Variants in LRRC7 observed in about 807,000 individuals in gnomAD.
The protein encoded by LRRC7 is leucine rich repeat containing 7.
In LRRC7, 23 loss-of-function variants were observed where a neutral mutation model predicts 175.7. The observed-to-expected ratio is 0.13, with a 90% CI of 0.09 to 0.19. The LOEUF (loss-of-function observed/expected upper bound fraction) is 0.19, where lower values mean the gene tolerates loss of function less well. Among genes scored for constraint, LRRC7 ranks in the 10% least tolerant of loss-of-function variants. The pLI is 1.00. For synonymous variants in LRRC7, 685 were observed against 680.9 expected (o/e 1.01, Z -0.09); for missense variants, 1,354 against 1,904.7 (o/e 0.71, Z 5.38).
chr1:69,727,846 T>C (rs1195108853), intron 2 of LRRC7, among the ~76,000 whole-genome samples: 1 of 152,204 alleles, frequency 6.6e-6, no homozygotes, highest in Non-Finnish European at 1.5e-5. Flanking sequence ...TTCATAAATA[T>C]AGAAAAAGAT....
At chr1:70,002,480 C>G (rs147545768) in intron 11 of LRRC7, among the ~76,000 whole-genome samples, 68 of 152,284 alleles carry the variant, frequency 4.5e-4, no homozygotes, top group African/African-American at 1.5e-3. Flanking sequence ...TCATGTTTAT[C>G]TTTTGTATCA....
chr1:69,863,606 C>T (rs1684598619), intron 7 of LRRC7, among the ~76,000 whole-genome samples: 1 of 152,160 alleles, frequency 6.6e-6, no homozygotes, highest in Non-Finnish European at 1.5e-5. Context: ...TATCTTTGTC[C>T]TCATGTAGCT....
Position 70,038,544 on chromosome 1 carries a change from G to A in LRRC7, c.2720G>A (p.Ser907Asn). The change falls in exon 21 of 27, where the codon AGC (serine) becomes AAC (asparagine). Residue 907 changes from serine (S) to asparagine (N), a missense_variant. Ser to Asn is a conservative substitution (Grantham distance 46, BLOSUM62 1). Coordinates refer to ENST00000651989, the MANE Select transcript of LRRC7 (RefSeq NM_001370785.2). ...PSKLETTPTTSPLPERKEHIK... is the reference protein window; with the variant it reads ...PSKLETTPTTNPLPERKEHIK... ...AAATTAGAGACAACCCCCACTACCA[G>A]CCCATTGCCTGAAAGGAAAGAACAT... 6.2e-7 allele frequency: 1 copy of A among 1,614,038 alleles called. No homozygotes were observed. The highest frequency in any genetic ancestry group is 8.5e-7 in the Non-Finnish European group (1 of 1,180,000).
rs1172303895 is a variant in LRRC7 at position 70,140,038 on chromosome 1, G to GT, written c.*18157dup. On this transcript the variant is annotated 3_prime_UTR_variant, in exon 27 of 27. Coordinates refer to ENST00000651989, the MANE Select transcript of LRRC7 (RefSeq NM_001370785.2). ...GGAGGCATAGATTTGCAAATGGTGG[G>GT]TTTTTTCGTTTTTTTGTGTGTTGGA... 15 of 152,000 alleles carry GT rather than the reference G, an allele frequency of 9.9e-5. No individual in the cohort carries two copies. The highest frequency in any genetic ancestry group is 3.4e-4 in the African/African-American group (14 of 41,372). 9.4% of individuals were successfully genotyped at this position (152,000 alleles called of 1,614,324 possible). A position where few individuals can be genotyped will look rare whatever the true frequency, so the allele number is the denominator to read the frequency against.
At chr1:69,788,857 AT>A (rs1228732887) in intron 3 of LRRC7, among the ~76,000 whole-genome samples, 5 of 152,216 alleles carry the variant, frequency 3.3e-5, no homozygotes, top group Non-Finnish European at 7.4e-5. Context: ...AAACATCTGA[AT>A]AATAAAGCAC....
intron 7 of LRRC7, among the ~76,000 whole-genome samples, chr1:69,859,708 A>T (rs1043339715): frequency 6.6e-6 from 1 of 152,032 alleles, no homozygotes; most frequent in African/African-American, 2.4e-5. Context: ...CTGTAAAGGT[A>T]ATGCTTTTGT....
At position 69,799,698 on chromosome 1, in the gene LRRC7, ATTAT is replaced by A. The variant is rs139118914; in HGVS notation, c.421+7545_421+7548del. 8.4e-3 allele frequency among the ~76,000 whole-genome samples: 1,279 copies of A among 152,044 alleles called. 25 individuals carry two copies. Among genetic ancestry groups the A allele is most frequent in the African/African-American group, 0.029 (1,192 of 41,502 alleles). On this transcript the variant is annotated intron_variant, in intron 4 of 26. Transcript: ENST00000651989. Reference sequence around the variant, plus strand: ...TGCAGACTTTCTGTTCACTCTGTTGATTATTTATTTGACTGTACAGAGGCTTTTT... The same window carrying A: ...TGCAGACTTTCTGTTCACTCTGTTGATTATTTGACTGTACAGAGGCTTTTT...
In LRRC7 at chr1:69,967,809, G is replaced by C. The variant is rs186141925; in HGVS notation, c.712-12570G>C. 2.6e-5 allele frequency among the ~76,000 whole-genome samples: 4 copies of C among 152,272 alleles called. No individual in the cohort carries two copies. In the East Asian group the frequency reaches 7.7e-4, roughly 29 times the overall value. ...TAAAAAGGAACTGAAGAACAGCCTTGAGCCTTAGACTTTTCCCTTCAACAG... is the reference window on the plus strand; with the variant it reads ...TAAAAAGGAACTGAAGAACAGCCTTCAGCCTTAGACTTTTCCCTTCAACAG... On this transcript the variant is annotated intron_variant, in intron 8 of 26. Coordinates refer to ENST00000651989, the MANE Select transcript of LRRC7 (RefSeq NM_001370785.2).
chr1:69,676,205 C>T (rs972964780), intron 1 of LRRC7, among the ~76,000 whole-genome samples: 2 of 151,904 alleles, frequency 1.3e-5, no homozygotes, highest in Admixed American at 6.6e-5. Flanking sequence ...TAACATACTG[C>T]TTTTGTGGGA....
chr1:70,038,488 T>A lies in LRRC7; in HGVS notation c.2664T>A (p.Ser888Arg). 6.2e-7 allele frequency: 1 copy of A among 1,614,018 alleles called. No individual in the cohort carries two copies. The highest frequency in any genetic ancestry group is 8.5e-7 in the Non-Finnish European group (1 of 1,180,002). ...NPWQNWTRTP[S>R]PFEDRTAFPS... is the part of the protein sequence containing the mutation. ...GGCAGAATTGGACCAGAACCCCTAGTCCGTTTGAAGACAGGACCGCTTTTC... is the reference window on the plus strand; with the variant it reads ...GGCAGAATTGGACCAGAACCCCTAGACCGTTTGAAGACAGGACCGCTTTTC... The change falls in exon 21 of 27, where the codon AGT becomes AGA. Residue 888 changes from serine to arginine, a missense_variant. By Grantham distance (110) the Ser-to-Arg change is moderately radical. Around this residue, in one of 4 missense-constraint regions of LRRC7, gnomAD observed 1,032 missense variants for 1,227.2 expected, o/e 0.84. Transcript: ENST00000651989.
chr1:69,568,010 C>T lies in LRRC7; in HGVS notation c.-630C>T, dbSNP rs976520009. ...CGGGCTTGAAGCCACGGACACCCAG[C>T]CCCAGTGCAGCGGGTTCTCGCCGGC... On this transcript the variant is annotated 5_prime_UTR_variant, in exon 1 of 27. Transcript: ENST00000651989. Among the ~76,000 whole-genome samples, 1 of 152,096 alleles carries T rather than the reference C, an allele frequency of 6.6e-6. No individual in the cohort carries two copies. Among genetic ancestry groups the T allele is most frequent in the Admixed American group, 6.5e-5 (1 of 15,282 alleles).
chr1:70,034,859 A>G (rs918046452), intron 18 of LRRC7, among the ~76,000 whole-genome samples: 2 of 152,222 alleles, frequency 1.3e-5, no homozygotes, highest in African/African-American at 4.8e-5. Flanking sequence ...ATTTCCATAC[A>G]AACCTAACCC....
intron 7 of LRRC7, among the ~76,000 whole-genome samples, chr1:69,930,516 T>C (rs2101768588): frequency 6.6e-6 from 1 of 152,354 alleles, no homozygotes; most frequent in East Asian, 1.9e-4. Flanking sequence ...AGAAAAGCAC[T>C]GTATTTTCTC....
At chr1:69,955,153 A>G (rs1208398055) in intron 8 of LRRC7, among the ~76,000 whole-genome samples, 5 of 152,060 alleles carry the variant, frequency 3.3e-5, no homozygotes, top group Non-Finnish European at 5.9e-5. Flanking sequence ...TGTTGGATGA[A>G]TACTTGTGTT....
At chr1:69,654,184 C>T (rs555128173) in intron 1 of LRRC7, among the ~76,000 whole-genome samples, 1 of 151,374 alleles carries the variant, frequency 6.6e-6, no homozygotes, top group South Asian at 2.1e-4. Flanking sequence ...AAGCACCTTA[C>T]ATTTATGTTA....
chr1:69,991,799 T>C (rs1380440226), intron 10 of LRRC7, among the ~76,000 whole-genome samples: 1 of 152,096 alleles, frequency 6.6e-6, no homozygotes, highest in Non-Finnish European at 1.5e-5. Flanking sequence ...TATCGGGTAT[T>C]TGAATGGAAT....
chr1:69,646,614 T>C (rs1180605523), intron 1 of LRRC7, among the ~76,000 whole-genome samples: 1 of 152,150 alleles, frequency 6.6e-6, no homozygotes, highest in Non-Finnish European at 1.5e-5. Flanking sequence ...GGGAAGCTGC[T>C]GCCATTAAAG....
In LRRC7 at chr1:70,037,345, C is replaced by G. The variant is rs944797537; in HGVS notation, c.2288+721C>G. ...TTTAGTAATTCATGAGTAACTTTTC[C>G]TAATCATTGATGCTCATAATAAAAA... On this transcript the variant is annotated intron_variant, in intron 20 of 26. Coordinates refer to ENST00000651989, the MANE Select transcript of LRRC7 (RefSeq NM_001370785.2). 7.9e-5 allele frequency among the ~76,000 whole-genome samples: 12 copies of G among 152,250 alleles called. No homozygotes were observed. The South Asian group carries it at 2.5e-3, about 32-fold the overall frequency.
chr1:70,115,090 T>C lies in LRRC7; in HGVS notation c.4621-6690T>C, dbSNP rs376945439. 4.3e-3 allele frequency among the ~76,000 whole-genome samples: 654 copies of C among 152,252 alleles called. 4 individuals carry two copies. The highest frequency in any genetic ancestry group is 0.015 in the African/African-American group (615 of 41,558). Reference sequence around the variant, plus strand: ...ATGGTGTTTATTTGGGAATAGAGCATTGAAATGGGAATACATATGCCATAG... The same window carrying C: ...ATGGTGTTTATTTGGGAATAGAGCACTGAAATGGGAATACATATGCCATAG... On this transcript the variant is annotated intron_variant, in intron 26 of 26. Coordinates refer to ENST00000651989, the MANE Select transcript of LRRC7 (RefSeq NM_001370785.2).
Sources: gnomAD v4.1 joint callset for allele counts (sites outside exome capture counted in the v4.1 genomes callset) on GRCh38, gnomAD v4.1.1 for gene constraint, gnomAD v4.1.1 regional missense constraint, MANE v1.5 for transcripts, NCBI Gene and HGNC (gene_info 2026-07-23, HGNC 2026-07-21) for gene names.